Variants in JAK1 observed in about 807,000 individuals in gnomAD.
JAK1 encodes Janus kinase 1, also known as tyrosine-protein kinase JAK1.
JAK1 carries 16 observed loss-of-function variants against 136.6 expected under a neutral mutation model. The ratio of observed to expected loss-of-function variants is 0.12; its 90% confidence interval spans 0.08 to 0.18. The LOEUF is 0.18. Ranked by LOEUF, JAK1 falls within the 10% of genes least tolerant of loss-of-function variation. The pLI, the probability that JAK1 is intolerant of heterozygous loss-of-function variation, is 1.00. For missense variants in JAK1, 859 were observed against 1,450.1 expected (o/e 0.59, Z 6.62); for synonymous variants, 492 against 519.5 (o/e 0.95, Z 0.72).
At chr1:64,880,254 C>T (rs542746262) in intron 3 of JAK1, among the ~76,000 whole-genome samples, 2 of 152,090 alleles carry the variant, frequency 1.3e-5, no homozygotes, top group South Asian at 4.1e-4. Context: ...GAACAGTTAC[C>T]CTTCAGAAGT....
chr1:64,917,367 C>A (rs958865212), intron 1 of JAK1, among the ~76,000 whole-genome samples: 3 of 152,126 alleles, frequency 2.0e-5, no homozygotes, highest in Non-Finnish European at 2.9e-5. Flanking sequence ...AACTGCTATG[C>A]ATCCTTCTGA....
rs74080247 is a variant in JAK1 at position 64,984,215 on chromosome 1, C to T, written c.-78+60265G>A. Among the ~76,000 whole-genome samples, 431 of 152,248 alleles carry T rather than the reference C, an allele frequency of 2.8e-3. 3 individuals carry two copies. Among genetic ancestry groups the T allele is most frequent in the African/African-American group, 0.01 (422 of 41,530 alleles). On this transcript the variant is annotated intron_variant, in intron 2 of 25. Transcript: ENST00000671954. This position sits in a 1 kb window ranked among gnomAD's most constrained non-coding sequence, Gnocchi z 4.1. ...AGTGAGGAAGGTGCTCTTACATAAACCCTGTCTGCCTTCCCACAGTGTGTG... is the reference window on the plus strand; with the variant it reads ...AGTGAGGAAGGTGCTCTTACATAAATCCTGTCTGCCTTCCCACAGTGTGTG...
At position 64,984,159 on chromosome 1, in the gene JAK1, CAAGTT is replaced by C. The variant is rs1646576471; in HGVS notation, c.-78+60316_-78+60320del. 2.0e-5 allele frequency among the ~76,000 whole-genome samples: 3 copies of C among 152,196 alleles called. No individual in the cohort carries two copies. In the South Asian group the frequency reaches 6.2e-4, roughly 32 times the overall value. On this transcript the variant is annotated intron_variant, in intron 2 of 25. Coordinates refer to the JAK1 transcript ENST00000671954. This position sits in a 1 kb window ranked among gnomAD's most constrained non-coding sequence, Gnocchi z 4.1. ...CCAGGAGGTAAAAATAAATAAAACT[CAAGTT>C]AATTTGCTGTGTACAGCTGTATGGA... is the stretch of plus-strand genomic sequence containing the variant.
At chr1:65,046,658 G>A (rs1647185755) in intron 1 of JAK1, among the ~76,000 whole-genome samples, 2 of 151,976 alleles carry the variant, frequency 1.3e-5, no homozygotes, top group South Asian at 4.1e-4. Context: ...TGGGGCTGAA[G>A]GGGGTAGGTA....
chr1:65,020,518 C>G (rs943234948), intron 2 of JAK1, among the ~76,000 whole-genome samples: 1 of 152,166 alleles, frequency 6.6e-6, no homozygotes, highest in African/African-American at 2.4e-5. Context: ...ATCTGGATCA[C>G]AGTACTGGTT....
intron 2 of JAK1, among the ~76,000 whole-genome samples, chr1:65,001,321 G>A (rs908911291): frequency 2.0e-5 from 3 of 152,178 alleles, no homozygotes; most frequent in Non-Finnish European, 4.4e-5. Flanking sequence ...ACCAAAAGGG[G>A]CCCAGCCTCC....
intron 1 of JAK1, among the ~76,000 whole-genome samples, chr1:64,946,192 G>C (rs1645983042): frequency 1.3e-5 from 2 of 152,246 alleles, no homozygotes; most frequent in African/African-American, 4.8e-5. Context: ...AGGAGCATCA[G>C]AGCTGAACAA....
chr1:64,960,214 C>T (rs1056162155), intron 1 of JAK1, among the ~76,000 whole-genome samples: 3 of 152,132 alleles, frequency 2.0e-5, no homozygotes, highest in Admixed American at 1.3e-4. Flanking sequence ...GGTGACAGCG[C>T]GAGACCTTGT....
chr1:64,974,652 G>A (rs554298975), intron 2 of JAK1: 1 of 152,326 alleles, frequency 6.6e-6, no homozygotes, highest in East Asian at 1.9e-4. Context: ...GCCTGTGAAG[G>A]ATCAAGGGAG....
At chr1:64,930,192 A>C (rs1645663687) in intron 1 of JAK1, among the ~76,000 whole-genome samples, 1 of 152,234 alleles carries the variant, frequency 6.6e-6, no homozygotes, top group Non-Finnish European at 1.5e-5. Context: ...CGGCAAAAGA[A>C]ACTATCATCA....
chr1:65,004,423 G>A (rs1186928129), intron 2 of JAK1, among the ~76,000 whole-genome samples: 2 of 152,220 alleles, frequency 1.3e-5, no homozygotes, highest in East Asian at 3.8e-4. Context: ...ACTCGTGAGT[G>A]ACCATCAGGG....
chr1:64,841,725 C>T (rs1053939064), intron 17 of JAK1, 124 bp from the exon 18 acceptor site: 11 of 981,278 alleles, frequency 1.1e-5, no homozygotes, highest in South Asian at 8.8e-5. Context: ...AGGTAGATTT[C>T]GTAAGTGTTT....
chr1:64,856,152 C>A (rs536457360), intron 10 of JAK1, among the ~76,000 whole-genome samples: 1 of 152,200 alleles, frequency 6.6e-6, no homozygotes, highest in Non-Finnish European at 1.5e-5. Flanking sequence ...AAACTGAGCC[C>A]TTCCAGGCCA....
rs1557699356 is a variant in JAK1 at position 64,928,783 on chromosome 1, A to AC, written c.-78+37549_-78+37550insG. On this transcript the variant is annotated intron_variant, in intron 1 of 24. Transcript: ENST00000342505. ...CTGAGTGCTATAAAACTCTGCAAAA[A>AC]AAAAAAAAAAAAACAAAAAAAAAAA... Among the ~76,000 whole-genome samples, 1,100 of 122,888 alleles carry AC rather than the reference A, an allele frequency of 9.0e-3. 21 individuals carry two copies. Among genetic ancestry groups the AC allele is most frequent in the African/African-American group, 0.039 (1,035 of 26,314 alleles). The allele number at this position is 122,888 out of a possible 152,430, so 80.6% of individuals were successfully genotyped here.
intron 5 of JAK1, among the ~76,000 whole-genome samples, chr1:64,869,867 G>A (rs902337368): frequency 5.9e-5 from 9 of 152,168 alleles, no homozygotes; most frequent in African/African-American, 2.2e-4. Context: ...GCCTTGTCTA[G>A]GAGCTGGGTG....
chr1:65,061,609 T>C (rs577660433), intron 1 of JAK1, among the ~76,000 whole-genome samples: 1 of 152,332 alleles, frequency 6.6e-6, no homozygotes, highest in East Asian at 1.9e-4. Flanking sequence ...TTAACTAGTG[T>C]GATTTGTTTT....
intron 1 of JAK1, among the ~76,000 whole-genome samples, chr1:64,927,812 G>C (rs1645607958): frequency 6.6e-6 from 1 of 152,148 alleles, no homozygotes; most frequent in Non-Finnish European, 1.5e-5. Flanking sequence ...CCCTGTATTT[G>C]GCTGGAAGAT....
intron 1 of JAK1, among the ~76,000 whole-genome samples, chr1:65,048,421 A>G (rs1246964324): frequency 6.6e-6 from 1 of 152,228 alleles, no homozygotes; most frequent in Admixed American, 6.5e-5. Context: ...GGATGAAAAA[A>G]TAAGGCAGTA....
In JAK1 at chr1:64,841,287, A is replaced by C; in HGVS notation, c.2607T>G (p.His869Gln). 1.2e-6 allele frequency: 2 copies of C among 1,614,146 alleles called. No individual in the cohort carries two copies. The highest frequency in any genetic ancestry group is 1.7e-6 in the Non-Finnish European group (2 of 1,180,002). Residue 869 changes from histidine to glutamine, a missense_variant, in exon 19 of 25, where the codon CAT becomes CAG. Transcript: ENST00000342505. ...KKPATEVDPT[H>Q]FEKRFLKRIR... ...TCCTCTTTAGGAAGCGCTTTTCAAA[A>C]TGTGTGGGGTCCACTTCAGTTGCTG...
Sources: gnomAD v4.1 joint callset for allele counts (sites outside exome capture counted in the v4.1 genomes callset) on GRCh38, gnomAD v4.1.1 for gene constraint, Gnocchi (gnomAD v3.1) non-coding constraint, MANE v1.5 for transcripts, NCBI Gene and HGNC (gene_info 2026-07-23, HGNC 2026-07-21) for gene names.